PDE11A: variants seen among roughly 807,000 people sequenced by gnomAD.
PDE11A encodes the protein dual 3',5'-cyclic-AMP and -GMP phosphodiesterase 11A.
PDE11A carries 100 observed loss-of-function variants against 100.5 expected under a neutral mutation model. The observed-to-expected ratio is 1.00, with a 90% CI of 0.85 to 1.18. The LOEUF (loss-of-function observed/expected upper bound fraction) is 1.18. Among genes scored for constraint, PDE11A ranks in the 50% most tolerant of loss-of-function variants. PDE11A has a pLI of 0.00. For synonymous variants in PDE11A, 381 were observed against 420.8 expected, an observed-to-expected ratio of 0.91 and a Z score of 1.16; for missense variants, 1,141 against 1,152.6, an observed-to-expected ratio of 0.99 and a Z score of 0.15.
At chr2:177,869,611 T>G (rs2084093778) in intron 5 of PDE11A, among the ~76,000 whole-genome samples, 2 of 152,224 alleles carry the variant, frequency 1.3e-5, no homozygotes, top group South Asian at 4.1e-4. Flanking sequence ...TTAACATCAA[T>G]TGATTAGTTA....
chr2:177,836,576 C>G (rs2083403657), intron 6 of PDE11A, among the ~76,000 whole-genome samples: 10 of 152,204 alleles, frequency 6.6e-5, no homozygotes, highest in Admixed American at 6.5e-4. Context: ...CCGGAGCCAA[C>G]AGTGGCAACC....
intron 2 of PDE11A, among the ~76,000 whole-genome samples, chr2:177,932,649 T>A (rs566977818): frequency 6.6e-6 from 1 of 152,220 alleles, no homozygotes; most frequent in Admixed American, 6.5e-5. Context: ...AAATTAGGCA[T>A]TGAAGGAATA....
intron 2 of PDE11A, 132 bp from the exon 3 acceptor site, chr2:177,905,319 G>A: frequency 1.7e-6 from 1 of 593,920 alleles, no homozygotes; most frequent in Non-Finnish European, 3.0e-6. Flanking sequence ...TGAATACAGA[G>A]AGTTGTTGAT....
rs1257178630 is a variant in PDE11A at position 178,096,164 on chromosome 2, C to CTTTTTTT, written c.162+8137_162+8138insAAAAAAA. Among the ~76,000 whole-genome samples the CTTTTTTT allele has an allele frequency of 5.4e-4, 60 of 110,230 alleles. 1 individual carries two copies. The highest frequency in any genetic ancestry group is 7.9e-4 in the Non-Finnish European group (40 of 50,542). 72.3% of individuals were successfully genotyped at this position (110,230 alleles called of 152,430 possible). A position where few individuals can be genotyped will look rare whatever the true frequency, so the allele number is the denominator to read the frequency against. The stretch of plus-strand genomic sequence containing the variant: ...TCCCCAGAAAACAGGTTTTTCTTTT[C>CTTTTTTT]TTTTCTTTTTTTTTTTTGAGATGGA... On this transcript the variant is annotated intron_variant, in intron 2 of 20. Coordinates refer to the PDE11A transcript ENST00000358450.
chr2:177,738,643 A>G (rs1362559678), intron 10 of PDE11A, among the ~76,000 whole-genome samples: 2 of 152,128 alleles, frequency 1.3e-5, no homozygotes, highest in Non-Finnish European at 2.9e-5. Context: ...ATCAACCTCA[A>G]CCTGCTGCAT....
intron 4 of PDE11A, among the ~76,000 whole-genome samples, chr2:177,884,283 T>C (rs761951907): frequency 6.6e-6 from 1 of 152,192 alleles, no homozygotes; most frequent in Admixed American, 6.5e-5. Flanking sequence ...AAATAAGACA[T>C]TTCTCCATCC....
At chr2:177,920,012 G>C (rs891950653) in intron 2 of PDE11A, among the ~76,000 whole-genome samples, 1 of 151,944 alleles carries the variant, frequency 6.6e-6, no homozygotes, top group Non-Finnish European at 1.5e-5. Flanking sequence ...AAATCGTGTT[G>C]GGACATAGTT....
At chr2:177,965,394 G>A (rs899859975) in intron 2 of PDE11A, among the ~76,000 whole-genome samples, 10 of 152,028 alleles carry the variant, frequency 6.6e-5, no homozygotes, top group East Asian at 3.9e-4. Flanking sequence ...CAATTTTTCC[G>A]TTGCAATTGC....
At chr2:177,648,701 T>C (rs190092907) in intron 19 of PDE11A, among the ~76,000 whole-genome samples, 218 of 152,198 alleles carry the variant, frequency 1.4e-3, no homozygotes, top group African/African-American at 5.1e-3. Flanking sequence ...ACTAGGCAGA[T>C]AGATCAGTAG....
chr2:178,042,470 T>C (rs1223048684), intron 1 of PDE11A, among the ~76,000 whole-genome samples: 1 of 75,838 alleles, frequency 1.3e-5, no homozygotes, highest in Admixed American at 1.7e-4. Context: ...AGAGCAAGAC[T>C]CTGTCTCAAA....
intron 10 of PDE11A, among the ~76,000 whole-genome samples, chr2:177,744,331 T>A (rs1047527476): frequency 4.0e-5 from 5 of 123,896 alleles, no homozygotes; most frequent in Admixed American, 9.3e-5. Flanking sequence ...CCTCTCTGAT[T>A]GTTTCATGCT....
chr2:177,778,593 C>G (rs11687543), intron 9 of PDE11A, among the ~76,000 whole-genome samples: 24,765 of 152,026 alleles, frequency 0.16, 2,095 homozygotes, highest in Non-Finnish European at 0.18. Flanking sequence ...TTGATGAGCT[C>G]CAAAGAAATA....
chr2:177,737,911 T>A (rs780123557), intron 10 of PDE11A, among the ~76,000 whole-genome samples: 22 of 152,194 alleles, frequency 1.4e-4, no homozygotes, highest in Non-Finnish European at 2.9e-4. Context: ...ACTCATTAAA[T>A]ATTTATCAGA....
At chr2:177,956,025 A>G (rs1197610020) in intron 2 of PDE11A, among the ~76,000 whole-genome samples, 2 of 151,270 alleles carry the variant, frequency 1.3e-5, no homozygotes, top group Non-Finnish European at 3.0e-5. Context: ...CTAAAACACC[A>G]AAAGCATGGC....
Position 178,071,663 on chromosome 2 carries a change from C to T in PDE11A, c.775G>A (p.Asp259Asn), listed in dbSNP as rs1242466863. ...GKKTLVSKFFDVHAGTPLLPC... is the reference protein window; with the variant it reads ...GKKTLVSKFFNVHAGTPLLPC... The stretch of plus-strand genomic sequence containing the variant: ...AGCAGAGGTGTTCCTGCATGCACAT[C>T]AAAGAATTTGGAGACCAAGGTCTTC... Residue 259 changes from aspartate to asparagine, a missense_variant, in exon 1 of 20, where the codon GAT (aspartate) becomes AAT (asparagine). Transcript: ENST00000286063. 13 of 1,613,672 alleles carry T rather than the reference C, an allele frequency of 8.1e-6. No individual in the cohort carries two copies. Among genetic ancestry groups the T allele is most frequent in the East Asian group, 4.5e-5 (2 of 44,876 alleles).
In PDE11A at chr2:177,623,929, T is replaced by G. The variant is rs989397823; in HGVS notation, c.*5478A>C. On this transcript the variant is annotated 3_prime_UTR_variant, in exon 20 of 20. Coordinates refer to ENST00000286063, the MANE Select transcript of PDE11A (RefSeq NM_016953.4). ...AAGGTCATGACAAACAGTGTCAGCA[T>G]GACATTGGGCATTGCTAAATCTAAA... The G allele has an allele frequency of 6.6e-6, 1 of 152,252 alleles. No individual in the cohort carries two copies. Among genetic ancestry groups the G allele is most frequent in the Non-Finnish European group, 1.5e-5 (1 of 68,044 alleles). The allele number at this position is 152,252 out of a possible 1,614,324, so 9.4% of individuals were successfully genotyped here. A position where few individuals can be genotyped will look rare whatever the true frequency, so the allele number is the denominator to read the frequency against.
intron 2 of PDE11A, 142 bp from the exon 3 acceptor site, chr2:177,905,329 T>C (rs1005729458): frequency 8.5e-6 from 5 of 585,166 alleles, no homozygotes; most frequent in African/African-American, 7.4e-5. Flanking sequence ...GAGTTGTTGA[T>C]ACTAGTATTT....
chr2:177,892,328 C>T (rs1340688671), intron 4 of PDE11A, among the ~76,000 whole-genome samples: 2 of 151,992 alleles, frequency 1.3e-5, no homozygotes, highest in African/African-American at 4.8e-5. Flanking sequence ...CCATTTGCTT[C>T]CAAAACATTC....
intron 15 of PDE11A, among the ~76,000 whole-genome samples, chr2:177,696,005 C>T (rs1210818424): frequency 6.6e-6 from 1 of 152,084 alleles, no homozygotes; most frequent in Admixed American, 6.6e-5. Context: ...CATCAGGGCA[C>T]AGGGGGCATT....
Sources: allele counts gnomAD v4.1 joint callset (sites outside exome capture counted in the v4.1 genomes callset), GRCh38; gene constraint gnomAD v4.1.1; transcripts MANE v1.5; gene names NCBI Gene and HGNC (gene_info 2026-07-23, HGNC 2026-07-21).